EXOC2: variants seen among roughly 807,000 people sequenced by gnomAD.
EXOC2 encodes exocyst complex component 2.
In EXOC2, 70 loss-of-function variants were observed where a neutral mutation model predicts 131.8. The ratio of observed to expected loss-of-function variants is 0.53; its 90% CI spans 0.44 to 0.65. The LOEUF (loss-of-function observed/expected upper bound fraction) is 0.65. Among genes scored for constraint, EXOC2 ranks in the 30% least tolerant of loss-of-function variants. The probability of loss-of-function intolerance (pLI) is 0.00; values close to 1 mark genes in which losing one functional copy is unlikely to be tolerated. For missense variants in EXOC2, 923 were observed against 1,108.6 expected (o/e 0.83, Z 2.38); for synonymous variants, 411 against 398.4 (o/e 1.03, Z -0.38).
chr6:572,085 A>C (rs1022523859), intron 13 of EXOC2, among the ~76,000 whole-genome samples: 2 of 152,216 alleles, frequency 1.3e-5, no homozygotes, highest in Non-Finnish European at 2.9e-5. Context: ...ATCCTTTCCA[A>C]GGGAAATTGC....
At chr6:642,778 T>C (rs1762412875) in intron 1 of EXOC2, among the ~76,000 whole-genome samples, 1 of 152,010 alleles carries the variant, frequency 6.6e-6, no homozygotes, top group Non-Finnish European at 1.5e-5. Context: ...GGCTGCACAG[T>C]AGGTAGAAGA....
chr6:553,425 G>A (rs1220096790), intron 21 of EXOC2, among the ~76,000 whole-genome samples: 2 of 149,288 alleles, frequency 1.3e-5, no homozygotes, highest in African/African-American at 2.5e-5. Context: ...GTATCTATTT[G>A]AGGCTGTGCT....
intron 13 of EXOC2, among the ~76,000 whole-genome samples, chr6:567,597 ACATG>A (rs1455667257): frequency 1.3e-5 from 2 of 152,220 alleles, no homozygotes. Context: ...CATACTGAGT[ACATG>A]CATGCATTTA....
intron 13 of EXOC2, among the ~76,000 whole-genome samples, chr6:571,190 A>C (rs1758257771): frequency 6.6e-6 from 1 of 151,992 alleles, no homozygotes; most frequent in African/African-American, 2.4e-5. Flanking sequence ...GTTCATACAT[A>C]ACTAACAAAG....
At position 617,714 on chromosome 6, in the gene EXOC2, A is replaced by T. The variant is rs1156929773; in HGVS notation, c.658T>A (p.Ser220Thr). 6.2e-7 allele frequency: 1 copy of T among 1,611,700 alleles called. No homozygotes were observed. The highest frequency in any genetic ancestry group is 1.1e-5 in the South Asian group (1 of 90,378). Reference protein sequence around the residue: ...STFFEAQDALSAIHQKLEADG... With the variant: ...STFFEAQDALTAIHQKLEADG... ...ATGGCTCTGAGGATCGCCTTACCTGAGAGGGCATCCTGTGCTTCGAAGAAT... is the reference window on the plus strand; with the variant it reads ...ATGGCTCTGAGGATCGCCTTACCTGTGAGGGCATCCTGTGCTTCGAAGAAT... The change falls in exon 6 of 28, where the codon TCA becomes ACA. Residue 220 changes from serine (S) to threonine (T), a missense_variant. Coordinates refer to ENST00000230449, the MANE Select transcript of EXOC2 (RefSeq NM_018303.6).
At chr6:676,324 G>A (rs9405907) in intron 1 of EXOC2, among the ~76,000 whole-genome samples, 3 of 56,558 alleles carry the variant, frequency 5.3e-5, no homozygotes, top group Non-Finnish European at 7.5e-5. Flanking sequence ...TCAACATTAC[G>A]GAAAGGACAG....
chr6:657,218 G>A (rs1187937038), intron 1 of EXOC2: 1 of 343,800 alleles, frequency 2.9e-6, no homozygotes, highest in Non-Finnish European at 5.2e-6. Context: ...TATAAGAAGA[G>A]TAGGCATTCC....
intron 7 of EXOC2, among the ~76,000 whole-genome samples, chr6:606,855 T>C (rs1442097311): frequency 2.0e-5 from 3 of 152,266 alleles, no homozygotes; most frequent in Admixed American, 6.5e-5. Flanking sequence ...CTTCCAGTGT[T>C]AGAGCTTCCT....
At chr6:675,035 A>G (rs1216524434) in intron 1 of EXOC2, among the ~76,000 whole-genome samples, 1 of 152,110 alleles carries the variant, frequency 6.6e-6, no homozygotes, top group Non-Finnish European at 1.5e-5. Flanking sequence ...CGGGAAAACC[A>G]TAACAAAGGG....
chr6:633,513 T>C lies in EXOC2; in HGVS notation c.119-396A>G, dbSNP rs188356471. Among the ~76,000 whole-genome samples the C allele has an allele frequency of 4.2e-4, 64 of 152,378 alleles. 1 individual carries two copies. The highest frequency in any genetic ancestry group is 3.4e-3 in the Middle Eastern group (1 of 294). On this transcript the variant is annotated intron_variant, in intron 2 of 27. Coordinates refer to ENST00000230449, the MANE Select transcript of EXOC2 (RefSeq NM_018303.6). The stretch of plus-strand genomic sequence containing the variant: ...TTTAAAGTGTATTAATAAACGTATG[T>C]ATCATTTTCTAAAAACATTCTACAT...
rs1442263179 is a variant in EXOC2, at chr6:658,769, C to A, written c.-43-20908G>T. Among the ~76,000 whole-genome samples the A allele has an allele frequency of 2.0e-5, 3 of 150,284 alleles. 1 individual carries two copies. Among genetic ancestry groups the A allele is most frequent in the Non-Finnish European group, 4.4e-5 (3 of 67,716 alleles). ...CTCTACCTCTCAGGTTCAAGCGATT[C>A]TCTTGCCTCAGCCTCCCGAGTAGCT... On this transcript the variant is annotated intron_variant, in intron 1 of 27. Coordinates refer to ENST00000230449, the MANE Select transcript of EXOC2 (RefSeq NM_018303.6).
In EXOC2 at chr6:563,410, C is replaced by T. The variant is rs77349309; in HGVS notation, c.1790-565G>A. Among the ~76,000 whole-genome samples the T allele has an allele frequency of 9.2e-3, 1,406 of 152,302 alleles. 21 individuals are homozygous for T. Among genetic ancestry groups the T allele is most frequent in the African/African-American group, 0.032 (1,350 of 41,550 alleles). The stretch of plus-strand genomic sequence containing the variant: ...TCCCTTCCCATTTACACAGTATCGC[C>T]CACCAATTTTGCAGAGATGTAAGCT... On this transcript the variant is annotated intron_variant, in intron 16 of 27. Coordinates refer to ENST00000230449, the MANE Select transcript of EXOC2 (RefSeq NM_018303.6).
Position 677,932 on chromosome 6 carries a change from T to TCA in EXOC2, c.-44+15086_-44+15087insTG, listed in dbSNP as rs1390594003. On this transcript the variant is annotated intron_variant, in intron 1 of 27. Transcript: ENST00000230449. Reference sequence around the variant, plus strand: ...TGCATCAGGGGCTGTGCTTATAATCTCTCACACACACACACACACACACAC... The same window carrying TCA: ...TGCATCAGGGGCTGTGCTTATAATCTCACTCACACACACACACACACACACAC... Among the ~76,000 whole-genome samples, 728 of 77,310 alleles carry TCA rather than the reference T, an allele frequency of 9.4e-3. 5 individuals are homozygous for TCA. The highest frequency in any genetic ancestry group is 0.025 in the African/African-American group (656 of 25,952). 50.7% of individuals were successfully genotyped at this position (77,310 alleles called of 152,430 possible).
chr6:654,714 G>A (rs545617592), intron 1 of EXOC2, among the ~76,000 whole-genome samples: 1 of 145,852 alleles, frequency 6.9e-6, no homozygotes, highest in African/African-American at 2.5e-5. Flanking sequence ...TGTGGCAGGA[G>A]GATCGTTTGA....
chr6:492,364 G>C (rs1763485587), intron 25 of EXOC2, among the ~76,000 whole-genome samples: 1 of 152,182 alleles, frequency 6.6e-6, no homozygotes, highest in Non-Finnish European at 1.5e-5. Flanking sequence ...AGAAGATTAA[G>C]TATAGAGTAA....
At chr6:568,274 A>G (rs1385474575) in intron 13 of EXOC2, among the ~76,000 whole-genome samples, 1 of 152,236 alleles carries the variant, frequency 6.6e-6, no homozygotes, top group Non-Finnish European at 1.5e-5. Flanking sequence ...TGAAGGCCTG[A>G]ACAGCACAAA....
chr6:680,545 G>A (rs2127797431), intron 1 of EXOC2, among the ~76,000 whole-genome samples: 1 of 152,226 alleles, frequency 6.6e-6, no homozygotes, highest in African/African-American at 2.4e-5. Context: ...AGAAACGTAG[G>A]TAGGCCTTAG....
chr6:573,842 C>T (rs576520099), intron 12 of EXOC2, among the ~76,000 whole-genome samples: 10 of 152,236 alleles, frequency 6.6e-5, no homozygotes, highest in Admixed American at 3.9e-4. Context: ...AGTTCCCAGC[C>T]GGAAGAAACC....
intron 17 of EXOC2, among the ~76,000 whole-genome samples, chr6:560,677 C>T (rs77904914): frequency 0.014 from 2,151 of 151,288 alleles, 59 homozygotes; most frequent in African/African-American, 0.049. Context: ...ATAATTGTGA[C>T]GAATAGAAAC....
Sources: allele counts gnomAD v4.1 joint callset (sites outside exome capture counted in the v4.1 genomes callset), GRCh38; gene constraint gnomAD v4.1.1; transcripts MANE v1.5; gene names NCBI Gene and HGNC (gene_info 2026-07-23, HGNC 2026-07-21).